TMEM62: variants seen among roughly 807,000 people sequenced by gnomAD.
TMEM62 encodes transmembrane protein 62.
In TMEM62, 41 loss-of-function variants were observed where a neutral mutation model predicts 70.4. That is an observed-to-expected ratio of 0.58 (90% CI 0.45 to 0.76). TMEM62 has a LOEUF of 0.76. Among genes scored for constraint, TMEM62 ranks in the 30% least tolerant of loss-of-function variants. The pLI is 0.00. For synonymous variants in TMEM62, 268 were observed against 291.0 expected (o/e 0.92, Z 0.80); for missense variants, 688 against 788.5 (o/e 0.87, Z 1.53).
chr15:43,139,209 A>G (rs1483092822), intron 4 of TMEM62, among the ~76,000 whole-genome samples: 9 of 152,118 alleles, frequency 5.9e-5, no homozygotes, highest in Non-Finnish European at 1.2e-4. Context: ...TGATGTTACT[A>G]TTGTAATTGT....
chr15:43,144,563 C>T (rs142623549), intron 4 of TMEM62, among the ~76,000 whole-genome samples: 2 of 152,176 alleles, frequency 1.3e-5, no homozygotes, highest in Non-Finnish European at 1.5e-5. Context: ...ATAGTCTAGT[C>T]ATGATAATGA....
chr15:43,158,004 T>G (rs112723965), intron 9 of TMEM62, among the ~76,000 whole-genome samples: 6 of 152,050 alleles, frequency 3.9e-5, no homozygotes, highest in African/African-American at 1.4e-4. Context: ...CTCTTTTTTG[T>G]ACCCTTAAAA....
At chr15:43,156,629 A>G (rs2038079031) in intron 9 of TMEM62, among the ~76,000 whole-genome samples, 1 of 152,146 alleles carries the variant, frequency 6.6e-6, no homozygotes, top group Admixed American at 6.5e-5. Flanking sequence ...TTTATGAAGA[A>G]AAAAAAACCA....
At chr15:43,180,323 A>T (rs2041209818) in intron 12 of TMEM62, among the ~76,000 whole-genome samples, 1 of 152,140 alleles carries the variant, frequency 6.6e-6, no homozygotes. Flanking sequence ...GGATTTCACC[A>T]TGTTGGCCAG....
At chr15:43,161,971 A>G (rs2038759454) in intron 10 of TMEM62, among the ~76,000 whole-genome samples, 1 of 149,728 alleles carries the variant, frequency 6.7e-6, no homozygotes, top group East Asian at 2.0e-4. Context: ...TTGTATATGT[A>G]TTTTTTTTTG....
rs1464344 is a variant in TMEM62 at position 43,135,383 on chromosome 15, G to A, written c.293-129G>A. 542 of 853,836 alleles carry A rather than the reference G, an allele frequency of 6.3e-4. 12 individuals are homozygous for A. The East Asian group carries it at 0.012, about 19-fold the overall frequency. 52.9% of individuals were successfully genotyped at this position (853,836 alleles called of 1,614,324 possible). Reference sequence around the variant, plus strand: ...GCTCGATTTGGACATTGGTGGTCTCGTGAGCAGTTATGCTTATACACGTTG... The same window carrying A: ...GCTCGATTTGGACATTGGTGGTCTCATGAGCAGTTATGCTTATACACGTTG... On this transcript the variant is annotated intron_variant, in intron 2 of 13. Transcript: ENST00000260403.
At chr15:43,148,996 G>C (rs1356791402) in intron 6 of TMEM62, 33 bp from the exon 7 acceptor site, 8 of 1,611,834 alleles carry the variant, frequency 5.0e-6, no homozygotes, top group Non-Finnish European at 5.1e-6. Flanking sequence ...CGTTATCTTT[G>C]TTCATTTATT....
intron 4 of TMEM62, among the ~76,000 whole-genome samples, chr15:43,139,457 A>G: frequency 6.6e-6 from 1 of 152,240 alleles, no homozygotes; most frequent in East Asian, 1.9e-4. Context: ...CAAAAGGTAG[A>G]AATGATGAAG....
chr15:43,167,412 C>T (rs897270689), intron 10 of TMEM62, among the ~76,000 whole-genome samples: 1 of 149,268 alleles, frequency 6.7e-6, no homozygotes, highest in African/African-American at 2.5e-5. Context: ...TCAGACGGGG[C>T]GGTTGCCAGG....
intron 13 of TMEM62, among the ~76,000 whole-genome samples, chr15:43,183,784 A>G (rs934042091): frequency 2.0e-5 from 3 of 152,174 alleles, no homozygotes; most frequent in African/African-American, 7.2e-5. Flanking sequence ...AATATTTGTT[A>G]AATGAATGAA....
Position 43,149,016 on chromosome 15 carries a change from T to A in TMEM62, c.744-13T>A. 2 of 1,612,892 alleles carry A rather than the reference T, an allele frequency of 1.2e-6. No homozygotes were observed. The highest frequency in any genetic ancestry group is 8.5e-7 in the Non-Finnish European group (1 of 1,179,488). On this transcript the variant is annotated splice_polypyrimidine_tract_variant and intron_variant, in intron 6 of 13. Coordinates refer to ENST00000260403, the MANE Select transcript of TMEM62 (RefSeq NM_024956.4). Reference sequence around the variant, plus strand: ...TCTTTGTTCATTTATTTCATTTATTTTTCATTGGTTAGTTCGGCTATAGCT... The same window carrying A: ...TCTTTGTTCATTTATTTCATTTATTATTCATTGGTTAGTTCGGCTATAGCT...
intron 5 of TMEM62, among the ~76,000 whole-genome samples, chr15:43,148,319 C>T (rs181517720): frequency 1.3e-5 from 2 of 152,228 alleles, no homozygotes; most frequent in Non-Finnish European, 2.9e-5. Flanking sequence ...GCTGTTCCAT[C>T]GTGTGGATGT....
At chr15:43,160,037 C>T (rs538860894) in intron 9 of TMEM62, among the ~76,000 whole-genome samples, 2 of 152,102 alleles carry the variant, frequency 1.3e-5, no homozygotes, top group East Asian at 3.9e-4. Context: ...GGCGTGATCT[C>T]GGCTCACTGC....
chr15:43,149,158 G>C lies in TMEM62; in HGVS notation c.866+7G>C. On this transcript the variant is annotated splice_region_variant and intron_variant, in intron 7 of 13. Transcript: ENST00000260403. ...ACTGGAAGGATAATAGGAGGTAAGG[G>C]AACCTCCCCATAGAAGAAAACTTAT... is the stretch of plus-strand genomic sequence containing the variant. 4 of 1,613,518 alleles carry C rather than the reference G, an allele frequency of 2.5e-6. No individual in the cohort carries two copies. Among genetic ancestry groups the C allele is most frequent in the Middle Eastern group, 1.7e-4 (1 of 6,060 alleles).
intron 3 of TMEM62, chr15:43,135,866 A>G (rs1775499864): frequency 4.7e-6 from 2 of 426,812 alleles, no homozygotes; most frequent in South Asian, 1.0e-4. Flanking sequence ...TTTGTGACAT[A>G]TGCTGCTTCT....
intron 10 of TMEM62, among the ~76,000 whole-genome samples, chr15:43,167,741 C>T: frequency 6.6e-6 from 1 of 152,188 alleles, no homozygotes; most frequent in Non-Finnish European, 1.5e-5. Context: ...GTAGAGGCTG[C>T]AATCTCGGCA....
intron 11 of TMEM62, 136 bp from the exon 12 acceptor site, chr15:43,178,471 T>C: frequency 2.0e-6 from 1 of 510,420 alleles, no homozygotes; most frequent in Non-Finnish European, 3.5e-6. Context: ...TAAAGTGGTG[T>C]CATCTGTATA....
At position 43,169,642 on chromosome 15, in the gene TMEM62, T is replaced by C. The variant is rs1318420944; in HGVS notation, c.1346T>C (p.Ile449Thr). 2.5e-6 allele frequency: 4 copies of C among 1,614,086 alleles called. No individual in the cohort carries two copies. The highest frequency in any genetic ancestry group is 3.4e-6 in the Non-Finnish European group (4 of 1,180,028). Residue 449 changes from isoleucine (I) to threonine (T), a missense_variant, in exon 11 of 14, where the codon ATT becomes ACT. Physicochemically the swap from Ile to Thr is moderately conservative, Grantham distance 89. Coordinates refer to ENST00000260403, the MANE Select transcript of TMEM62 (RefSeq NM_024956.4). ...GTGCTGAGCCAGCTCACCATTCTCATTATTTTTAGATATCGAGGATACCCA... is the reference window on the plus strand; with the variant it reads ...GTGCTGAGCCAGCTCACCATTCTCACTATTTTTAGATATCGAGGATACCCA... ...LIVLSQLTIL[I>T]IFRYRGYPEL...
intron 4 of TMEM62, among the ~76,000 whole-genome samples, chr15:43,142,164 CTTTT>C (rs56110605): frequency 1.2e-4 from 10 of 83,588 alleles, no homozygotes; most frequent in Admixed American, 1.3e-4. Flanking sequence ...TAGAGAAATT[CTTTT>C]TTTTTTTTTT....
Sources: allele counts gnomAD v4.1 joint callset (sites outside exome capture counted in the v4.1 genomes callset), GRCh38; gene constraint gnomAD v4.1.1; transcripts MANE v1.5; gene names NCBI Gene and HGNC (gene_info 2026-07-23, HGNC 2026-07-21).